ZBTB20: variants seen among roughly 807,000 people sequenced by gnomAD.
ZBTB20 encodes the protein zinc finger and BTB domain-containing protein 20.
ZBTB20 carries 9 observed loss-of-function variants against 56.9 expected under a neutral mutation model. That is an observed-to-expected ratio of 0.16 (90% CI 0.10 to 0.28). ZBTB20 has a LOEUF of 0.28. ZBTB20 is among the 10% of genes least tolerant of loss of function. The probability of loss-of-function intolerance (pLI) is 1.00; values close to 1 mark genes in which losing one functional copy is unlikely to be tolerated. For missense variants in ZBTB20, 655 were observed against 1,003.0 expected, an observed-to-expected ratio of 0.65 and a Z score of 4.69; for synonymous variants, 417 against 420.7, an observed-to-expected ratio of 0.99 and a Z score of 0.11.
At chr3:114,440,629 T>C (rs757295266) in intron 7 of ZBTB20, among the ~76,000 whole-genome samples, 39 of 152,298 alleles carry the variant, frequency 2.6e-4, no homozygotes, top group Non-Finnish European at 4.1e-4. Context: ...GAAAAAAGCT[T>C]ATTTCTAAAA....
At chr3:114,980,862 T>C (rs571853269) in intron 2 of ZBTB20, among the ~76,000 whole-genome samples, 3 of 152,108 alleles carry the variant, frequency 2.0e-5, no homozygotes, top group South Asian at 2.1e-4. Context: ...ACCTGAAATG[T>C]TGGTTAGTTA....
At chr3:114,881,694 C>G (rs1463987128) in intron 4 of ZBTB20, among the ~76,000 whole-genome samples, 1 of 151,706 alleles carries the variant, frequency 6.6e-6, no homozygotes, top group South Asian at 2.1e-4. Flanking sequence ...ATTTCTTGGT[C>G]TAATATGCTT....
At chr3:114,588,118 T>C (rs1274004683) in intron 6 of ZBTB20, among the ~76,000 whole-genome samples, 1 of 152,184 alleles carries the variant, frequency 6.6e-6, no homozygotes, top group African/African-American at 2.4e-5. Context: ...GGGGCCTTCT[T>C]TTGTCACTTG....
chr3:114,872,504 G>C (rs2076050495), intron 4 of ZBTB20, among the ~76,000 whole-genome samples: 1 of 152,036 alleles, frequency 6.6e-6, no homozygotes, highest in Non-Finnish European at 1.5e-5. Flanking sequence ...AAACTGTAAA[G>C]ATGTAATGGG....
At chr3:114,364,336 A>G (rs1295089831) in intron 10 of ZBTB20, among the ~76,000 whole-genome samples, 2 of 152,162 alleles carry the variant, frequency 1.3e-5, no homozygotes, top group African/African-American at 4.8e-5. Context: ...CTATAATTCG[A>G]GCTACTCAGG....
At chr3:114,831,782 C>A (rs1249337144) in intron 4 of ZBTB20, among the ~76,000 whole-genome samples, 1 of 151,954 alleles carries the variant, frequency 6.6e-6, no homozygotes, top group South Asian at 2.1e-4. Context: ...CTAGTCCCAA[C>A]TCTTTCAAAC....
intron 1 of ZBTB20, among the ~76,000 whole-genome samples, chr3:115,135,391 T>C (rs966983812): frequency 6.6e-6 from 1 of 152,212 alleles, no homozygotes; most frequent in Non-Finnish European, 1.5e-5. Context: ...TAAGAATCAA[T>C]AGTTTCCTCA....
At chr3:114,987,443 T>C (rs2108124144) in intron 2 of ZBTB20, among the ~76,000 whole-genome samples, 1 of 152,246 alleles carries the variant, frequency 6.6e-6, no homozygotes, top group African/African-American at 2.4e-5. Context: ...ACTGATTCAT[T>C]AAAGAAATAA....
intron 5 of ZBTB20, among the ~76,000 whole-genome samples, chr3:114,777,691 T>C (rs1172405011): frequency 5.3e-5 from 8 of 152,154 alleles, no homozygotes; most frequent in Non-Finnish European, 1.2e-4. Flanking sequence ...GTGTGGCGAT[T>C]CCGCAGGGGT....
intron 1 of ZBTB20, among the ~76,000 whole-genome samples, chr3:115,111,336 G>C (rs2083877125): frequency 6.6e-6 from 1 of 152,004 alleles, no homozygotes; most frequent in Admixed American, 6.6e-5. Context: ...AGTTATGAAA[G>C]AAATAAATCA....
chr3:114,607,959 T>A (rs879537899), intron 6 of ZBTB20, among the ~76,000 whole-genome samples: 2 of 152,176 alleles, frequency 1.3e-5, no homozygotes, highest in African/African-American at 4.8e-5. Flanking sequence ...CGTAATTCTT[T>A]AACAGTACAA....
rs1293772702 is a variant in ZBTB20 at position 114,324,654 on chromosome 3, C to T, written c.*14351G>A. The T allele has an allele frequency of 6.6e-6, 1 of 152,186 alleles. No individual in the cohort carries two copies. The highest frequency in any genetic ancestry group is 1.5e-5 in the Non-Finnish European group (1 of 68,018). 9.4% of individuals were successfully genotyped at this position (152,186 alleles called of 1,614,324 possible). A position where few individuals can be genotyped will look rare whatever the true frequency, so the allele number is the denominator to read the frequency against. On this transcript the variant is annotated 3_prime_UTR_variant, in exon 12 of 12. Transcript: ENST00000675478. ...TATTAAATACAAAAGTGAATTATTA[C>T]AGCAAAATTAAGAGTCTGCATTGTA...
chr3:114,843,558 G>A (rs1325410466), intron 4 of ZBTB20, among the ~76,000 whole-genome samples: 2 of 152,058 alleles, frequency 1.3e-5, no homozygotes, highest in Non-Finnish European at 2.9e-5. Flanking sequence ...TTTTACAGAT[G>A]GTGTTTCACT....
chr3:114,801,121 T>A lies in ZBTB20; in HGVS notation c.-363A>T, dbSNP rs1252282744. ...CTTACAGGAATACAGTGCAGCTCAA[T>A]CTTTTGTTTTTAAGGTGCAGTGATT... On this transcript the variant is annotated 5_prime_UTR_variant, in exon 5 of 12. Coordinates refer to ENST00000675478, the MANE Select transcript of ZBTB20 (RefSeq NM_001348800.3). 2.0e-5 allele frequency: 3 copies of A among 152,186 alleles called. No individual in the cohort carries two copies. Among genetic ancestry groups the A allele is most frequent in the Non-Finnish European group, 4.4e-5 (3 of 67,858 alleles). The allele number at this position is 152,186 out of a possible 1,614,324, so 9.4% of individuals were successfully genotyped here.
chr3:114,487,307 G>C (rs1467538943), intron 7 of ZBTB20, among the ~76,000 whole-genome samples: 3 of 152,124 alleles, frequency 2.0e-5, no homozygotes, highest in Non-Finnish European at 4.4e-5. Context: ...AACCATATGT[G>C]CACACCTCAA....
intron 5 of ZBTB20, among the ~76,000 whole-genome samples, chr3:114,798,299 T>C (rs1477985689): frequency 1.3e-5 from 2 of 150,982 alleles, no homozygotes; most frequent in Non-Finnish European, 3.0e-5. Context: ...ACAGGACTCG[T>C]TGCTCAACCA....
At chr3:114,755,234 G>A (rs1021196381) in intron 5 of ZBTB20, among the ~76,000 whole-genome samples, 2 of 152,162 alleles carry the variant, frequency 1.3e-5, no homozygotes, top group African/African-American at 4.8e-5. Flanking sequence ...AATACGAAGA[G>A]AAGAGACTAG....
intron 10 of ZBTB20, among the ~76,000 whole-genome samples, chr3:114,362,414 T>C (rs1304278326): frequency 1.3e-5 from 2 of 152,174 alleles, no homozygotes; most frequent in Non-Finnish European, 2.9e-5. Context: ...GCTTGTTTGG[T>C]CAGCTCTTCG....
chr3:114,950,095 C>G (rs2077013261), intron 3 of ZBTB20, among the ~76,000 whole-genome samples: 1 of 151,990 alleles, frequency 6.6e-6, no homozygotes, highest in Non-Finnish European at 1.5e-5. Context: ...GAAAAAAGAC[C>G]AAGTGTTTTC....
Sources: gnomAD v4.1 joint callset for allele counts (sites outside exome capture counted in the v4.1 genomes callset) on GRCh38, gnomAD v4.1.1 for gene constraint, MANE v1.5 for transcripts, NCBI Gene and HGNC (gene_info 2026-07-23, HGNC 2026-07-21) for gene names.